ZNF141: variants seen among roughly 807,000 people sequenced by gnomAD.
ZNF141 encodes the protein zinc finger protein 141 (clone pHZ-44).
Under a neutral mutation model 11.3 loss-of-function variants are expected in ZNF141, and 7 were observed. The ratio of observed to expected loss-of-function variants is 0.62; its 90% confidence interval spans 0.35 to 1.16. The LOEUF (loss-of-function observed/expected upper bound fraction) is 1.16. Among genes scored for constraint, ZNF141 ranks in the 50% most tolerant of loss-of-function variants. The pLI, the probability that ZNF141 is intolerant of heterozygous loss-of-function variation, is 0.02. For synonymous variants in ZNF141, 183 were observed against 190.7 expected, an observed-to-expected ratio of 0.96 and a Z score of 0.33; for missense variants, 535 against 554.0, an observed-to-expected ratio of 0.97 and a Z score of 0.34.
intron 1 of ZNF141, among the ~76,000 whole-genome samples, chr4:342,480 G>A (rs1553848640): frequency 6.6e-6 from 1 of 152,220 alleles, no homozygotes; most frequent in East Asian, 1.9e-4. Flanking sequence ...GTACTATAAT[G>A]GGTCTAGAGG....
intron 3 of ZNF141, among the ~76,000 whole-genome samples, chr4:361,214 G>A (rs1334527927): frequency 1.3e-5 from 2 of 151,996 alleles, no homozygotes; most frequent in Admixed American, 6.6e-5. Context: ...TAAATAAACT[G>A]CCCTTTTCCT....
Position 380,337 on chromosome 4 carries a change from A to G in ZNF141, c.*6475A>G, listed in dbSNP as rs1459670097. On this transcript the variant is annotated 3_prime_UTR_variant, in exon 4 of 4. Transcript: ENST00000240499. ...AGTTGATTTCTACCAAATGCTAACCATAATACTGTATATGTGTTAATAAAT... is the reference window on the plus strand; with the variant it reads ...AGTTGATTTCTACCAAATGCTAACCGTAATACTGTATATGTGTTAATAAAT... Among the ~76,000 whole-genome samples the G allele has an allele frequency of 6.6e-6, 1 of 152,150 alleles. No homozygotes were observed. Among genetic ancestry groups the G allele is most frequent in the Admixed American group, 6.5e-5 (1 of 15,280 alleles).
intron 3 of ZNF141, among the ~76,000 whole-genome samples, chr4:353,481 G>A (rs1409679696): frequency 3.6e-5 from 5 of 138,076 alleles, no homozygotes; most frequent in African/African-American, 1.1e-4. Flanking sequence ...TTTTTTTTTG[G>A]AGACAGAGTC....
At chr4:347,153 T>C (rs1553849745) in intron 3 of ZNF141, among the ~76,000 whole-genome samples, 1 of 150,682 alleles carries the variant, frequency 6.6e-6, no homozygotes, top group East Asian at 2.0e-4. Flanking sequence ...TTCTCCTGCC[T>C]CAGCCTCCGA....
At chr4:357,398 GAT>G (rs1721891794) in intron 3 of ZNF141, among the ~76,000 whole-genome samples, 1 of 148,790 alleles carries the variant, frequency 6.7e-6, no homozygotes, top group African/African-American at 2.5e-5. Flanking sequence ...CAGCCTGAGT[GAT>G]AGAGTGAGAC....
intron 3 of ZNF141, among the ~76,000 whole-genome samples, chr4:364,983 C>T (rs559260842): frequency 5.1e-4 from 77 of 152,358 alleles, no homozygotes; most frequent in African/African-American, 1.4e-3. Context: ...CAGTGGGCTT[C>T]GCCCAGTTCA....
In ZNF141 at chr4:343,965, T is replaced by G. The variant is rs1190878660; in HGVS notation, c.130+57T>G. 4.5e-6 allele frequency: 7 copies of G among 1,558,516 alleles called. No individual in the cohort carries two copies. The African/African-American group carries it at 7.0e-5, about 16-fold the overall frequency. Reference sequence around the variant, plus strand: ...TTTTCTCAGAGCTTTATTTTATTCCTTTGAAGAATTTCTCCTGGGAACTTT... The same window carrying G: ...TTTTCTCAGAGCTTTATTTTATTCCGTTGAAGAATTTCTCCTGGGAACTTT... On this transcript the variant is annotated intron_variant, in intron 2 of 3. Transcript: ENST00000240499.
At position 383,925 on chromosome 4, in the gene ZNF141, C is replaced by T. The variant is rs1553856041; in HGVS notation, c.*10063C>T. 2 of 152,288 alleles carry T rather than the reference C, an allele frequency of 1.3e-5. No individual in the cohort carries two copies. The highest frequency in any genetic ancestry group is 2.9e-5 in the Non-Finnish European group (2 of 68,070). The allele number at this position is 152,288 out of a possible 1,614,324, so 9.4% of individuals were successfully genotyped here. On this transcript the variant is annotated 3_prime_UTR_variant, in exon 4 of 4. Transcript: ENST00000240499. ...TGGGCGGCTTGCTGGGGCTCACACC[C>T]ACCCTGTAGAGTGCTTTCTCACTTT...
chr4:351,407 T>A (rs1282441870), intron 3 of ZNF141, among the ~76,000 whole-genome samples: 2 of 151,862 alleles, frequency 1.3e-5, no homozygotes, highest in Non-Finnish European at 2.9e-5. Context: ...CTAATTTTTT[T>A]AATTTTTAGT....
At chr4:338,328 T>C in intron 1 of ZNF141, 1 of 316,938 alleles carries the variant, frequency 3.2e-6, no homozygotes, top group African/African-American at 2.2e-5. Flanking sequence ...CGTCCCTGCT[T>C]TACCCTGTTC....
chr4:360,556 A>G (rs1037426401), intron 3 of ZNF141, among the ~76,000 whole-genome samples: 1 of 152,088 alleles, frequency 6.6e-6, no homozygotes, highest in East Asian at 1.9e-4. Flanking sequence ...CTTGTTTTCA[A>G]CTGTATTTTA....
chr4:372,034 A>G (rs782188074), intron 3 of ZNF141, among the ~76,000 whole-genome samples: 9 of 152,184 alleles, frequency 5.9e-5, no homozygotes, highest in Non-Finnish European at 8.8e-5. Context: ...TGTTCTAAGG[A>G]TGTGTCCTCT....
At position 372,937 on chromosome 4, in the gene ZNF141, A is replaced by G; in HGVS notation, c.500A>G (p.His167Arg). ...AATTCAAACAAACGTAAGACAAGAC[A>G]TACTGGAGAGAAACACTTTAAAGAA... ...FSNSNKRKTR[H>R]TGEKHFKECG... The change falls in exon 4 of 4, where the codon CAT (histidine) becomes CGT (arginine). Residue 167 changes from histidine to arginine, a missense_variant. His to Arg is a conservative substitution (Grantham distance 29). Transcript: ENST00000240499. The G allele has an allele frequency of 2.5e-6, 4 of 1,614,152 alleles. No individual in the cohort carries two copies. Among genetic ancestry groups the G allele is most frequent in the Non-Finnish European group, 3.4e-6 (4 of 1,179,990 alleles).
At chr4:343,992 A>G in intron 2 of ZNF141, 84 bp downstream of exon 2, 1 of 1,530,068 alleles carries the variant, frequency 6.5e-7, no homozygotes, top group Non-Finnish European at 8.7e-7. Context: ...GGGAACTTTT[A>G]TGTTTTATCT....
In ZNF141 at chr4:376,962, C is replaced by T. The variant is rs1333991762; in HGVS notation, c.*3100C>T. 6.6e-6 allele frequency among the ~76,000 whole-genome samples: 1 copy of T among 152,036 alleles called. No individual in the cohort carries two copies. The highest frequency in any genetic ancestry group is 1.5e-5 in the Non-Finnish European group (1 of 67,988). On this transcript the variant is annotated 3_prime_UTR_variant, in exon 4 of 4. Transcript: ENST00000240499. ...TTGATTCTCTTTTTTGTTTTCACTT[C>T]ATGAAGTGTTTATTATGTGAGCTGG...
In ZNF141 at chr4:378,789, A is replaced by G. The variant is rs1329544919; in HGVS notation, c.*4927A>G. Among the ~76,000 whole-genome samples, 4 of 150,780 alleles carry G rather than the reference A, an allele frequency of 2.7e-5. No homozygotes were observed. In the East Asian group the frequency reaches 7.8e-4, roughly 29 times the overall value. On this transcript the variant is annotated 3_prime_UTR_variant, in exon 4 of 4. Transcript: ENST00000240499. ...TCCTTGGTCACCTTCTCTGGAAAAA[A>G]ATTTGAAGATTATGGCAGCTGTTGA...
Position 380,829 on chromosome 4 carries a change from A to C in ZNF141, c.*6967A>C, listed in dbSNP as rs1430479127. The stretch of plus-strand genomic sequence containing the variant: ...AAATCCCTCTTCAGACACAAAATAC[A>C]TGATTATCTTAAACACATTCTTAAT... On this transcript the variant is annotated 3_prime_UTR_variant, in exon 4 of 4. Transcript: ENST00000240499. Among the ~76,000 whole-genome samples, 1 of 152,214 alleles carries C rather than the reference A, an allele frequency of 6.6e-6. No individual in the cohort carries two copies. Among genetic ancestry groups the C allele is most frequent in the Non-Finnish European group, 1.5e-5 (1 of 68,030 alleles).
intron 3 of ZNF141, among the ~76,000 whole-genome samples, chr4:353,828 A>G (rs1196647008): frequency 6.6e-6 from 1 of 152,090 alleles, no homozygotes; most frequent in African/African-American, 2.4e-5. Flanking sequence ...CGTCTCCTCC[A>G]TAGGGGACTG....
chr4:361,897 A>G (rs1173350987), intron 3 of ZNF141, among the ~76,000 whole-genome samples: 1 of 152,194 alleles, frequency 6.6e-6, no homozygotes, highest in Non-Finnish European at 1.5e-5. Flanking sequence ...ATACCCATTA[A>G]TAGGATGGCT....
Sources: allele counts gnomAD v4.1 joint callset (sites outside exome capture counted in the v4.1 genomes callset), GRCh38; gene constraint gnomAD v4.1.1; transcripts MANE v1.5; gene names NCBI Gene and HGNC (gene_info 2026-07-23, HGNC 2026-07-21).